KIAA0753: variants seen among roughly 807,000 people sequenced by gnomAD.
KIAA0753 encodes the protein KIAA0753, also known as protein moonraker.
KIAA0753 carries 114 observed loss-of-function variants against 116.9 expected under a neutral mutation model. The observed-to-expected ratio is 0.98, with a 90% CI of 0.84 to 1.14. The LOEUF is 1.14. Among genes scored for constraint, KIAA0753 ranks in the 50% most tolerant of loss-of-function variants. The probability of loss-of-function intolerance (pLI) is 0.00; values close to 1 mark genes in which losing one functional copy is unlikely to be tolerated. For synonymous variants in KIAA0753, 405 were observed against 413.1 expected, an observed-to-expected ratio of 0.98 and a Z score of 0.24; for missense variants, 1,156 against 1,172.4, an observed-to-expected ratio of 0.99 and a Z score of 0.20.
Position 6,624,457 on chromosome 17 carries a change from G to C in KIAA0753, c.825+298C>G, listed in dbSNP as rs190096032. The stretch of plus-strand genomic sequence containing the variant: ...TATATAATGTATAAGCATCTTGGGG[G>C]TGGGGAGGAGTGGCTTTTAATAGAT... On this transcript the variant is annotated intron_variant, in intron 4 of 18. Transcript: ENST00000361413. 1.9e-3 allele frequency among the ~76,000 whole-genome samples: 285 copies of C among 152,060 alleles called. 1 individual carries two copies. Among genetic ancestry groups the C allele is most frequent in the Non-Finnish European group, 2.5e-3 (173 of 67,990 alleles).
At chr17:6,620,729 A>G (rs1200379666) in intron 7 of KIAA0753, 59 bp downstream of exon 7, 1 of 1,536,756 alleles carries the variant, frequency 6.5e-7, no homozygotes. Context: ...AGTAACTGTT[A>G]TAGCCCAGAT....
In KIAA0753 at chr17:6,578,174, T is replaced by C. The variant is rs2165844; in HGVS notation, c.*1573A>G. On this transcript the variant is annotated 3_prime_UTR_variant, in exon 19 of 19. Coordinates refer to ENST00000361413, the MANE Select transcript of KIAA0753 (RefSeq NM_014804.3). ...GGTGCTCAATAAATGTTAGCTTTTA[T>C]TGTCACTAATTTTTTTCTCGGGGGG... The C allele has an allele frequency of 0.3, 45,580 of 151,924 alleles. 8,203 individuals are homozygous for C. The highest frequency in any genetic ancestry group is 0.39 in the Non-Finnish European group (26,666 of 67,924). 9.4% of individuals were successfully genotyped at this position (151,924 alleles called of 1,614,324 possible).
At chr17:6,611,584 A>G (rs1343746323) in intron 8 of KIAA0753, among the ~76,000 whole-genome samples, 2 of 151,978 alleles carry the variant, frequency 1.3e-5, no homozygotes, top group African/African-American at 4.8e-5. Context: ...GAGACACCAC[A>G]CCCGGCAGGA....
At chr17:6,591,433 T>C (rs1969057652) in intron 16 of KIAA0753, among the ~76,000 whole-genome samples, 1 of 152,212 alleles carries the variant, frequency 6.6e-6, no homozygotes, top group Non-Finnish European at 1.5e-5. Flanking sequence ...TTTTCAATTG[T>C]TCTCAGAGGG....
In KIAA0753 at chr17:6,589,915, C is replaced by A; in HGVS notation, c.2650G>T (p.Glu884Ter). 6.2e-7 allele frequency: 1 copy of A among 1,613,286 alleles called. No homozygotes were observed. The highest frequency in any genetic ancestry group is 8.5e-7 in the Non-Finnish European group (1 of 1,179,762). The change falls in exon 18 of 19, where the codon GAA becomes TAA. Residue 884 changes from glutamate to a stop codon, truncating the protein, a stop_gained. Coordinates refer to ENST00000361413, the MANE Select transcript of KIAA0753 (RefSeq NM_014804.3). LOFTEE classifies it high-confidence loss of function. ...GGGACAAAGAGGGGAGCTCGGCCTT[C>A]TTTCTGTTGAGAATCTTCGGCTAGG... The part of the protein sequence containing the change: ...LSLAEDSQQK[E>*]GRAPLFVPPG...
At chr17:6,640,404 A>C (rs1481021140) in intron 1 of KIAA0753, 1 of 152,528 alleles carries the variant, frequency 6.6e-6, no homozygotes, top group African/African-American at 2.4e-5. Context: ...ACACGCACTC[A>C]CACACTCCGC....
At chr17:6,620,533 C>T (rs1971242574) in intron 7 of KIAA0753, among the ~76,000 whole-genome samples, 2 of 151,676 alleles carry the variant, frequency 1.3e-5, no homozygotes, top group South Asian at 4.2e-4. Flanking sequence ...TTCTAACTTC[C>T]AGCTCTATGG....
chr17:6,625,326 C>G (rs1305422056), intron 3 of KIAA0753, among the ~76,000 whole-genome samples: 2 of 152,140 alleles, frequency 1.3e-5, no homozygotes, highest in African/African-American at 4.8e-5. Context: ...TTAACATGGT[C>G]TTTAGTCTTT....
intron 7 of KIAA0753, among the ~76,000 whole-genome samples, chr17:6,614,497 C>T (rs1970749638): frequency 8.5e-6 from 1 of 117,196 alleles, no homozygotes; most frequent in Non-Finnish European, 1.9e-5. Flanking sequence ...AAAAACCTTA[C>T]AAGCATAAGT....
intron 16 of KIAA0753, among the ~76,000 whole-genome samples, chr17:6,594,425 T>G (rs1969315565): frequency 6.6e-6 from 1 of 152,158 alleles, no homozygotes; most frequent in South Asian, 2.1e-4. Flanking sequence ...AAATATAGTA[T>G]TTATAAAACA....
intron 1 of KIAA0753, chr17:6,636,021 G>GT (rs1388289015): frequency 6.6e-6 from 1 of 152,176 alleles, no homozygotes; most frequent in Non-Finnish European, 1.5e-5. Flanking sequence ...TTTAGCATTT[G>GT]TTGAGTTAAG....
chr17:6,603,179 A>C (rs1174796411), intron 12 of KIAA0753, among the ~76,000 whole-genome samples: 1 of 152,156 alleles, frequency 6.6e-6, no homozygotes, highest in African/African-American at 2.4e-5. Flanking sequence ...AAAATAGGAA[A>C]AAACAGATAA....
rs946056121 is a variant in KIAA0753 at position 6,635,135 on chromosome 17, C to T, written c.-32G>A. On this transcript the variant is annotated 5_prime_UTR_variant, in exon 2 of 19. Coordinates refer to ENST00000361413, the MANE Select transcript of KIAA0753 (RefSeq NM_014804.3). ...AGGTAGTACAGAACAATAGTGACAGCCTTGTCATCCGGCAACAGTCTTCCC... is the reference window on the plus strand; with the variant it reads ...AGGTAGTACAGAACAATAGTGACAGTCTTGTCATCCGGCAACAGTCTTCCC... The T allele has an allele frequency of 4.1e-6, 6 of 1,474,192 alleles. No individual in the cohort carries two copies. The highest frequency in any genetic ancestry group is 3.4e-5 in the Admixed American group (2 of 59,416). 91.3% of individuals were successfully genotyped at this position (1,474,192 alleles called of 1,614,324 possible).
chr17:6,585,469 T>G (rs142324656), intron 18 of KIAA0753, among the ~76,000 whole-genome samples: 21 of 152,312 alleles, frequency 1.4e-4, no homozygotes, highest in Admixed American at 1.4e-3. Context: ...TTCCCATTGC[T>G]CCTTTTTCCT....
chr17:6,615,334 G>T (rs1023696549), intron 7 of KIAA0753, among the ~76,000 whole-genome samples: 1 of 152,076 alleles, frequency 6.6e-6, no homozygotes, highest in African/African-American at 2.4e-5. Context: ...GTATCAAACT[G>T]CTTGTGTTCA....
intron 7 of KIAA0753, among the ~76,000 whole-genome samples, chr17:6,619,191 T>C (rs1971132488): frequency 6.6e-6 from 1 of 151,440 alleles, no homozygotes; most frequent in Non-Finnish European, 1.5e-5. Context: ...ATCACATCAC[T>C]GCACTCCAGC....
At chr17:6,588,160 T>A (rs913420271) in intron 18 of KIAA0753, among the ~76,000 whole-genome samples, 1 of 152,090 alleles carries the variant, frequency 6.6e-6, no homozygotes, top group African/African-American at 2.4e-5. Context: ...AATCCCTTCC[T>A]CACCCCCACA....
chr17:6,593,810 G>A (rs1051973786), intron 16 of KIAA0753, among the ~76,000 whole-genome samples: 21 of 152,204 alleles, frequency 1.4e-4, no homozygotes, highest in Admixed American at 2.0e-4. Context: ...GCTTGAACTC[G>A]GGAGGTAGAG....
At chr17:6,620,544 G>A (rs1438737715) in intron 7 of KIAA0753, among the ~76,000 whole-genome samples, 6 of 151,926 alleles carry the variant, frequency 3.9e-5, no homozygotes, top group Admixed American at 3.3e-4. Context: ...AGCTCTATGG[G>A]AATTTGCCTT....
Sources: gnomAD v4.1 joint callset for allele counts (sites outside exome capture counted in the v4.1 genomes callset) on GRCh38, gnomAD v4.1.1 for gene constraint, MANE v1.5 for transcripts, NCBI Gene and HGNC (gene_info 2026-07-23, HGNC 2026-07-21) for gene names.